The following LDLRAD3 variants were observed in gnomAD, a reference collection of about 807,000 sequenced individuals.
LDLRAD3 encodes low density lipoprotein receptor class A domain containing 3, also known as low-density lipoprotein receptor class A domain-containing protein 3.
LDLRAD3 carries 20 observed loss-of-function variants against 29.4 expected under a neutral mutation model. The ratio of observed to expected loss-of-function variants is 0.68; its 90% CI spans 0.48 to 0.99. LDLRAD3 has a LOEUF of 0.99. Among genes scored for constraint, LDLRAD3 ranks in the 50% least tolerant of loss-of-function variants. The pLI, the probability that LDLRAD3 is intolerant of heterozygous loss-of-function variation, is 0.00. For synonymous variants in LDLRAD3, 157 were observed against 192.7 expected (o/e 0.81, Z 1.53); for missense variants, 420 against 454.3 (o/e 0.92, Z 0.69).
rs181973916 is a variant in LDLRAD3, at chr11:36,141,068, T to A, written c.454+42607T>A. On this transcript the variant is annotated intron_variant, in intron 4 of 5. Transcript: ENST00000315571. ...GGGGTGTGCGTGTGTGTCTGTATTT[T>A]AAAAAATGGTTCCATCCAAAATGGA... Among the ~76,000 whole-genome samples, 828 of 146,618 alleles carry A rather than the reference T, an allele frequency of 5.6e-3. 7 individuals carry two copies. The highest frequency in any genetic ancestry group is 0.02 in the African/African-American group (797 of 40,238).
Position 36,161,847 on chromosome 11 carries a change from T to C in LDLRAD3, c.454+63386T>C, listed in dbSNP as rs542422077. 3.3e-5 allele frequency among the ~76,000 whole-genome samples: 5 copies of C among 152,334 alleles called. No individual in the cohort carries two copies. In the South Asian group the frequency reaches 1.0e-3, roughly 32 times the overall value. On this transcript the variant is annotated intron_variant, in intron 4 of 5. Coordinates refer to ENST00000315571, the MANE Select transcript of LDLRAD3 (RefSeq NM_174902.4). ...GTCAGCTTTGTGTGCCCTGCTGTACTTAATGCTTCATGGGTGTTCATTAAA... is the reference window on the plus strand; with the variant it reads ...GTCAGCTTTGTGTGCCCTGCTGTACCTAATGCTTCATGGGTGTTCATTAAA...
intron 4 of LDLRAD3, among the ~76,000 whole-genome samples, chr11:36,172,600 T>C (rs1854613283): frequency 6.6e-6 from 1 of 152,174 alleles, no homozygotes; most frequent in South Asian, 2.1e-4. Context: ...ATTTTTGTTT[T>C]TGATTTTGTT....
In LDLRAD3 at chr11:36,154,469, C is replaced by T. The variant is rs115901070; in HGVS notation, c.454+56008C>T. The stretch of plus-strand genomic sequence containing the variant: ...AGAACCCTAAATCCACAAGCAGCTC[C>T]GCCTGTGGTCACATGAATTTGGGAG... On this transcript the variant is annotated intron_variant, in intron 4 of 5. Coordinates refer to ENST00000315571, the MANE Select transcript of LDLRAD3 (RefSeq NM_174902.4). Among the ~76,000 whole-genome samples the T allele has an allele frequency of 4.1e-3, 622 of 152,276 alleles. 3 individuals carry two copies. The highest frequency in any genetic ancestry group is 0.014 in the African/African-American group (596 of 41,542).
chr11:35,956,984 C>T (rs1157341465), intron 1 of LDLRAD3, among the ~76,000 whole-genome samples: 2 of 152,246 alleles, frequency 1.3e-5, no homozygotes, highest in Non-Finnish European at 2.9e-5. Context: ...ATCCGCCTGT[C>T]TCGGCCTCCC....
At chr11:35,955,259 C>CA (rs1044680069) in intron 1 of LDLRAD3, among the ~76,000 whole-genome samples, 4 of 151,780 alleles carry the variant, frequency 2.6e-5, no homozygotes, top group South Asian at 2.1e-4. Context: ...CAAAACAAAA[C>CA]AAAAAAACAG....
intron 1 of LDLRAD3, among the ~76,000 whole-genome samples, chr11:35,972,966 T>G (rs555291854): frequency 8.9e-5 from 13 of 146,092 alleles, no homozygotes; most frequent in African/African-American, 3.1e-4. Flanking sequence ...GACAGGAGAA[T>G]CACTTGAACC....
chr11:36,091,244 ATTTAT>A (rs1329959518), intron 3 of LDLRAD3, among the ~76,000 whole-genome samples: 5 of 151,898 alleles, frequency 3.3e-5, no homozygotes, highest in Admixed American at 3.3e-4. Context: ...GGAGTTTCTC[ATTTAT>A]GTGTTTTTGT....
At chr11:36,033,012 T>G (rs1178018281) in intron 1 of LDLRAD3, among the ~76,000 whole-genome samples, 1 of 151,974 alleles carries the variant, frequency 6.6e-6, no homozygotes, top group Non-Finnish European at 1.5e-5. Context: ...GTAGCTGGGA[T>G]TACAGGTGTG....
intron 4 of LDLRAD3, among the ~76,000 whole-genome samples, chr11:36,199,585 A>ACACACACACG (rs771281624): frequency 1.1e-3 from 158 of 150,466 alleles, no homozygotes; most frequent in African/African-American, 3.5e-3. Flanking sequence ...ACACACACAC[A>ACACACACACG]CACGCACGCA....
At chr11:36,089,953 C>G (rs1469104790) in intron 3 of LDLRAD3, among the ~76,000 whole-genome samples, 1 of 152,032 alleles carries the variant, frequency 6.6e-6, no homozygotes, top group Non-Finnish European at 1.5e-5. Flanking sequence ...CCTGCTATGG[C>G]CCACATGCTA....
At chr11:35,980,044 T>G (rs1851521928) in intron 1 of LDLRAD3, among the ~76,000 whole-genome samples, 1 of 152,240 alleles carries the variant, frequency 6.6e-6, no homozygotes, top group Admixed American at 6.5e-5. Flanking sequence ...AAATGAAGCC[T>G]TTTAATTGAG....
chr11:36,224,126 G>T (rs1308274751), intron 4 of LDLRAD3, among the ~76,000 whole-genome samples: 1 of 150,080 alleles, frequency 6.7e-6, no homozygotes, highest in Non-Finnish European at 1.5e-5. Context: ...TTGTTGTAGT[G>T]GTGGTTGTTA....
At chr11:36,011,365 G>A (rs762722770) in intron 1 of LDLRAD3, among the ~76,000 whole-genome samples, 13 of 152,216 alleles carry the variant, frequency 8.5e-5, no homozygotes, top group Non-Finnish European at 1.6e-4. Context: ...CAGAGCATGC[G>A]ATAGGCAGCG....
intron 4 of LDLRAD3, among the ~76,000 whole-genome samples, chr11:36,119,171 A>G (rs978189422): frequency 5.3e-5 from 8 of 152,256 alleles, no homozygotes; most frequent in Non-Finnish European, 8.8e-5. Context: ...TAAGCAAAAA[A>G]GTCCTCACAT....
At chr11:36,102,991 A>C (rs1354542115) in intron 4 of LDLRAD3, among the ~76,000 whole-genome samples, 1 of 152,154 alleles carries the variant, frequency 6.6e-6, no homozygotes, top group South Asian at 2.1e-4. Context: ...AAATTTGTCT[A>C]CTGTAAAATT....
At chr11:35,999,164 G>T (rs1334768200) in intron 1 of LDLRAD3, among the ~76,000 whole-genome samples, 2 of 152,212 alleles carry the variant, frequency 1.3e-5, no homozygotes, top group African/African-American at 4.8e-5. Context: ...ACAGGTTAGT[G>T]GCAGAATGTG....
intron 1 of LDLRAD3, among the ~76,000 whole-genome samples, chr11:35,954,646 A>G (rs1851179352): frequency 6.6e-6 from 1 of 152,228 alleles, no homozygotes; most frequent in African/African-American, 2.4e-5. Context: ...CTTTTGGTGA[A>G]AATTGCTTCT....
chr11:36,221,163 C>T (rs528600721), intron 4 of LDLRAD3, among the ~76,000 whole-genome samples: 3 of 151,942 alleles, frequency 2.0e-5, no homozygotes. Context: ...GCCTGGCCAT[C>T]ATAGTGAAAC....
intron 1 of LDLRAD3, among the ~76,000 whole-genome samples, chr11:36,014,867 C>T (rs1364357413): frequency 6.6e-6 from 1 of 151,878 alleles, no homozygotes; most frequent in East Asian, 1.9e-4. Flanking sequence ...TATTTTTTGC[C>T]AAAGACAAAT....
Sources: allele counts gnomAD v4.1 joint callset (sites outside exome capture counted in the v4.1 genomes callset), GRCh38; gene constraint gnomAD v4.1.1; transcripts MANE v1.5; gene names NCBI Gene and HGNC (gene_info 2026-07-23, HGNC 2026-07-21).